KCNQ1OT1: variants seen among roughly 807,000 people sequenced by gnomAD.
KCNQ1OT1 encodes KCNQ1 antisense RNA 2 (non-protein coding).
chr11:2,614,066 A>G, exon 1 of KCNQ1OT1: 2 of 398,520 alleles, frequency 5.0e-6, no homozygotes, highest in Non-Finnish European at 8.8e-6. Flanking sequence ...CCAATCTCTT[A>G]TGCTTGCATG....
At chr11:2,619,797 G>T in exon 1 of KCNQ1OT1, 1 of 398,078 alleles carries the variant, frequency 2.5e-6, no homozygotes, top group Non-Finnish European at 4.4e-6. Flanking sequence ...ATATTGGGTA[G>T]TATTCAGTCA....
chr11:2,666,768 A>G, exon 1 of KCNQ1OT1: 1 of 398,764 alleles, frequency 2.5e-6, no homozygotes, highest in Non-Finnish European at 4.4e-6. Flanking sequence ...GTGAGTGTCT[A>G]AGCTCCTCAC....
rs192415993 is a variant in KCNQ1OT1, at chr11:2,646,444, T to G, written n.53551A>C. 1.2e-4 allele frequency: 48 copies of G among 398,680 alleles called. No individual in the cohort carries two copies. The Admixed American group carries it at 2.1e-3, about 17-fold the overall frequency. The allele number at this position is 398,680 out of a possible 1,614,324, so 24.7% of individuals were successfully genotyped here. On this transcript the variant is annotated non_coding_transcript_exon_variant, in exon 1 of 1. Coordinates refer to ENST00000597346, the Ensembl canonical transcript of KCNQ1OT1. ...CTCCTTGGTTAAGCTTTGCTTTTTTTTGTAGCTATTGCAAATGGGATTGCT... is the reference window on the plus strand; with the variant it reads ...CTCCTTGGTTAAGCTTTGCTTTTTTGTGTAGCTATTGCAAATGGGATTGCT...
exon 1 of KCNQ1OT1, chr11:2,696,719 T>C (rs1850682625): frequency 5.0e-6 from 2 of 398,642 alleles, no homozygotes; most frequent in Admixed American, 8.8e-5. Flanking sequence ...TGGAAAGATC[T>C]CCCTCTATAT....
chr11:2,674,295 A>G lies in KCNQ1OT1; in HGVS notation n.25700T>C. 2 of 398,602 alleles carry G rather than the reference A, an allele frequency of 5.0e-6. No homozygotes were observed. The highest frequency in any genetic ancestry group is 8.8e-6 in the Non-Finnish European group (2 of 226,092). The allele number at this position is 398,602 out of a possible 1,614,324, so 24.7% of individuals were successfully genotyped here. Reference sequence around the variant, plus strand: ...ACACACACTAGGACCTTTCTTCATCATGCAGCCGTAGAGCTGGAGGCCAAG... The same window carrying G: ...ACACACACTAGGACCTTTCTTCATCGTGCAGCCGTAGAGCTGGAGGCCAAG... On this transcript the variant is annotated non_coding_transcript_exon_variant, in exon 1 of 1. Coordinates refer to ENST00000597346, the Ensembl canonical transcript of KCNQ1OT1. This position sits in a 1 kb window ranked among gnomAD's most constrained non-coding sequence, Gnocchi z 5.9.
In KCNQ1OT1 at chr11:2,682,075, G is replaced by A; in HGVS notation, n.17920C>T. ...AATCTCCTAAGGGTTGAGGGATTGA[G>A]TCTAGGGCCCAGGGTCACAAAGCTA... On this transcript the variant is annotated non_coding_transcript_exon_variant, in exon 1 of 1. Transcript: ENST00000597346. The surrounding 1 kb of genome is among the most constrained non-coding windows in gnomAD (Gnocchi z 5.8). 1 of 398,634 alleles carries A rather than the reference G, an allele frequency of 2.5e-6. No homozygotes were observed. The highest frequency in any genetic ancestry group is 4.4e-6 in the Non-Finnish European group (1 of 226,088). The allele number at this position is 398,634 out of a possible 1,614,324, so 24.7% of individuals were successfully genotyped here. A position where few individuals can be genotyped will look rare whatever the true frequency, so the allele number is the denominator to read the frequency against.
Position 2,676,720 on chromosome 11 carries a change from T to C in KCNQ1OT1, n.23275A>G, listed in dbSNP as rs1850301410. On this transcript the variant is annotated non_coding_transcript_exon_variant, in exon 1 of 1. Transcript: ENST00000597346. This position sits in a 1 kb window ranked among gnomAD's most constrained non-coding sequence, Gnocchi z 4.2. ...AGCCTGGCAGGAGATAACCAAGTCA[T>C]ATGCATAGTGGCTTTGGGTACGATG... 5.0e-6 allele frequency: 2 copies of C among 398,662 alleles called. No homozygotes were observed. Among genetic ancestry groups the C allele is most frequent in the Admixed American group, 4.4e-5 (1 of 22,734 alleles). The allele number at this position is 398,662 out of a possible 1,614,324, so 24.7% of individuals were successfully genotyped here.
rs1849266749 is a variant in KCNQ1OT1 at position 2,626,634 on chromosome 11, T to A, written n.73361A>T. On this transcript the variant is annotated non_coding_transcript_exon_variant, in exon 1 of 1. Coordinates refer to ENST00000597346, the Ensembl canonical transcript of KCNQ1OT1. This position sits in a 1 kb window ranked among gnomAD's most constrained non-coding sequence, Gnocchi z 4.0. ...ACCTCAATCTCCCAGGCTCAAGCAA[T>A]CCTCCCACCTCGGCTTCTTGAGTAG... 1 of 398,490 alleles carries A rather than the reference T, an allele frequency of 2.5e-6. No homozygotes were observed. Among genetic ancestry groups the A allele is most frequent in the South Asian group, 1.3e-4 (1 of 7,852 alleles). The allele number at this position is 398,490 out of a possible 1,614,324, so 24.7% of individuals were successfully genotyped here.
rs1849179356 is a variant in KCNQ1OT1 at position 2,621,952 on chromosome 11, A to G, written n.78043T>C. On this transcript the variant is annotated non_coding_transcript_exon_variant, in exon 1 of 1. Transcript: ENST00000597346. This position sits in a 1 kb window ranked among gnomAD's most constrained non-coding sequence, Gnocchi z 5.7. ...TCTTCTTTTTCTAATTCCTTGAGGT[A>G]CAATTTTGGGCTATTTGAAATATCT... The G allele has an allele frequency of 7.5e-6, 3 of 398,138 alleles. No individual in the cohort carries two copies. The highest frequency in any genetic ancestry group is 2.1e-5 in the African/African-American group (1 of 48,582). 24.7% of individuals were successfully genotyped at this position (398,138 alleles called of 1,614,324 possible).
At chr11:2,633,524 C>G (rs1323465810) in exon 1 of KCNQ1OT1, 1 of 398,358 alleles carries the variant, frequency 2.5e-6, no homozygotes, top group African/African-American at 2.1e-5. Context: ...AGTCTCTAAT[C>G]AATTTTGAGT....
chr11:2,648,051 CAA>C (rs34011245), exon 1 of KCNQ1OT1: 3,522 of 360,912 alleles, frequency 9.8e-3, no homozygotes, highest in Middle Eastern at 0.02. Flanking sequence ...CCATCTCTAC[CAA>C]AAAAAAAAAA....
chr11:2,676,211 GTACA>G lies in KCNQ1OT1; in HGVS notation n.23780_23783del. The G allele has an allele frequency of 5.0e-6, 2 of 398,632 alleles. No individual in the cohort carries two copies. Among genetic ancestry groups the G allele is most frequent in the Non-Finnish European group, 8.8e-6 (2 of 226,078 alleles). The allele number at this position is 398,632 out of a possible 1,614,324, so 24.7% of individuals were successfully genotyped here. A position where few individuals can be genotyped will look rare whatever the true frequency, so the allele number is the denominator to read the frequency against. On this transcript the variant is annotated non_coding_transcript_exon_variant, in exon 1 of 1. Transcript: ENST00000597346. This position sits in a 1 kb window ranked among gnomAD's most constrained non-coding sequence, Gnocchi z 4.2. ...GGTATGCCATACTTCTTTTTGAGCT[GTACA>G]TACAATGCTGATTTATTATGGTGCA...
chr11:2,616,383 C>T (rs1019172403), exon 1 of KCNQ1OT1: 7 of 397,728 alleles, frequency 1.8e-5, no homozygotes, highest in East Asian at 7.2e-5. Flanking sequence ...TATTTAAGCT[C>T]GAATTCAGTT....
exon 1 of KCNQ1OT1, chr11:2,684,305 TC>T (rs1448081701): frequency 7.5e-6 from 3 of 398,482 alleles, no homozygotes; most frequent in Non-Finnish European, 1.3e-5. Flanking sequence ...ACTCATTTCT[TC>T]CCTGCAGTCT....
In KCNQ1OT1 at chr11:2,674,029, G is replaced by A; in HGVS notation, n.25966C>T. ...CCGTGCTTTCTGGCTCTTTGGGCCTGGGGTGCAGCCCCTCATTTGTACTTG... is the reference window on the plus strand; with the variant it reads ...CCGTGCTTTCTGGCTCTTTGGGCCTAGGGTGCAGCCCCTCATTTGTACTTG... On this transcript the variant is annotated non_coding_transcript_exon_variant, in exon 1 of 1. Transcript: ENST00000597346. This position sits in a 1 kb window ranked among gnomAD's most constrained non-coding sequence, Gnocchi z 5.9. 1 of 398,592 alleles carries A rather than the reference G, an allele frequency of 2.5e-6. No homozygotes were observed. Among genetic ancestry groups the A allele is most frequent in the Non-Finnish European group, 4.4e-6 (1 of 226,066 alleles). 24.7% of individuals were successfully genotyped at this position (398,592 alleles called of 1,614,324 possible).
chr11:2,655,451 G>C (rs1849829083), exon 1 of KCNQ1OT1: 2 of 398,574 alleles, frequency 5.0e-6, no homozygotes, highest in Non-Finnish European at 4.4e-6. Context: ...TCAGCAAAGG[G>C]CACCTGGCAT....
rs1236579408 is a variant in KCNQ1OT1 at position 2,678,182 on chromosome 11, A to G, written n.21813T>C. 3 of 398,230 alleles carry G rather than the reference A, an allele frequency of 7.5e-6. No individual in the cohort carries two copies. Among genetic ancestry groups the G allele is most frequent in the African/African-American group, 2.1e-5 (1 of 48,616 alleles). 24.7% of individuals were successfully genotyped at this position (398,230 alleles called of 1,614,324 possible). ...TTTTCTATAATATTTTTCTGGTGGC[A>G]GAATTTTTTTAATTTCACATAGTCA... On this transcript the variant is annotated non_coding_transcript_exon_variant, in exon 1 of 1. Coordinates refer to ENST00000597346, the Ensembl canonical transcript of KCNQ1OT1. This position sits in a 1 kb window ranked among gnomAD's most constrained non-coding sequence, Gnocchi z 4.9.
At chr11:2,688,857 G>C (rs547935717) in exon 1 of KCNQ1OT1, 8 of 399,042 alleles carry the variant, frequency 2.0e-5, no homozygotes, top group Non-Finnish European at 3.5e-5. Context: ...GAGAGGGCTG[G>C]GCCAGAGGTC....
Position 2,674,035 on chromosome 11 carries a change from C to T in KCNQ1OT1, n.25960G>A, listed in dbSNP as rs761989440. ...TTTCTGGCTCTTTGGGCCTGGGGTG[C>T]AGCCCCTCATTTGTACTTGCTGGCT... On this transcript the variant is annotated non_coding_transcript_exon_variant, in exon 1 of 1. Coordinates refer to ENST00000597346, the Ensembl canonical transcript of KCNQ1OT1. This position sits in a 1 kb window ranked among gnomAD's most constrained non-coding sequence, Gnocchi z 5.9. The T allele has an allele frequency of 1.8e-5, 7 of 398,368 alleles. No individual in the cohort carries two copies. Among genetic ancestry groups the T allele is most frequent in the Non-Finnish European group, 3.1e-5 (7 of 226,060 alleles). The allele number at this position is 398,368 out of a possible 1,614,324, so 24.7% of individuals were successfully genotyped here.
Sources: gnomAD v4.1 joint callset for allele counts on GRCh38, gnomAD v4.1.1 for gene constraint, Gnocchi (gnomAD v3.1) non-coding constraint, MANE v1.5 for transcripts, NCBI Gene and HGNC (gene_info 2026-07-23, HGNC 2026-07-21) for gene names.